Variants in MTMR9 observed in about 807,000 individuals in gnomAD.
The protein encoded by MTMR9 is myotubularin related protein 9.
A neutral mutation model predicts 69.5 loss-of-function variants in MTMR9; 39 were observed. The observed-to-expected ratio is 0.56, with a 90% CI of 0.43 to 0.73. The LOEUF is 0.73. MTMR9 is among the 30% of genes least tolerant of loss of function. The probability of loss-of-function intolerance (pLI) is 0.00; values close to 1 mark genes in which losing one functional copy is unlikely to be tolerated. For synonymous variants in MTMR9, 354 were observed against 240.8 expected (o/e 1.47, Z -4.35); for missense variants, 900 against 671.2 (o/e 1.34, Z -3.77).
At chr8:11,289,839 C>T (rs1239756062) in intron 1 of MTMR9, among the ~76,000 whole-genome samples, 4 of 152,194 alleles carry the variant, frequency 2.6e-5, no homozygotes, top group African/African-American at 9.6e-5. Context: ...CTTCTGACAG[C>T]ATAGGATTCC....
Position 11,327,034 on chromosome 8 carries a change from A to G in MTMR9, c.*4246A>G, listed in dbSNP as rs1056745406. ...TTTATTCTCAGATGATAAAATATATACTGATACTATAACTTTCTTATGGTA... is the reference window on the plus strand; with the variant it reads ...TTTATTCTCAGATGATAAAATATATGCTGATACTATAACTTTCTTATGGTA... On this transcript the variant is annotated 3_prime_UTR_variant, in exon 10 of 10. Transcript: ENST00000221086. 1.3e-5 allele frequency: 2 copies of G among 151,568 alleles called. No individual in the cohort carries two copies. Among genetic ancestry groups the G allele is most frequent in the African/African-American group, 2.4e-5 (1 of 41,280 alleles). 9.4% of individuals were successfully genotyped at this position (151,568 alleles called of 1,614,324 possible).
chr8:11,305,338 G>T (rs1490902983), intron 4 of MTMR9, among the ~76,000 whole-genome samples: 1 of 152,178 alleles, frequency 6.6e-6, no homozygotes, highest in Non-Finnish European at 1.5e-5. Context: ...AAATTTCTCT[G>T]TTCAGAATAA....
chr8:11,306,527 A>G, intron 5 of MTMR9, 120 bp downstream of exon 5: 1 of 828,910 alleles, frequency 1.2e-6, no homozygotes, highest in Non-Finnish European at 1.9e-6. Context: ...AGGGTCAATG[A>G]TGGGCTAGCC....
At chr8:11,288,252 TATA>T (rs201199044) in intron 1 of MTMR9, among the ~76,000 whole-genome samples, 3,152 of 137,842 alleles carry the variant, frequency 0.023, 116 homozygotes, top group African/African-American at 0.073. Flanking sequence ...ATAATTATAT[TATA>T]ATAATTATAT....
intron 2 of MTMR9, chr8:11,298,879 T>C (rs1035094743): frequency 1.9e-5 from 19 of 985,092 alleles, no homozygotes; most frequent in Non-Finnish European, 2.3e-5. Flanking sequence ...TCCAGGTAAA[T>C]ATAGGCCCAT....
intron 6 of MTMR9, 88 bp from the exon 7 acceptor site, chr8:11,314,832 ATGT>A (rs1585129671): frequency 7.1e-6 from 9 of 1,268,594 alleles, no homozygotes; most frequent in Non-Finnish European, 1.0e-5. Flanking sequence ...GTAGACTAAA[ATGT>A]TGTGCTCAAT....
intron 9 of MTMR9, among the ~76,000 whole-genome samples, chr8:11,322,104 A>G (rs1283676128): frequency 1.3e-5 from 2 of 152,218 alleles, no homozygotes; most frequent in African/African-American, 2.4e-5. Flanking sequence ...TTGCCTCTCA[A>G]GTAACAGGGA....
Position 11,304,920 on chromosome 8 carries a change from A to G in MTMR9, c.497A>G (p.Lys166Arg). ...TACCCACCAATTGTCACAGTGCCCAAATCCATCGATGATGAAGCTCTTCGG... is the reference window on the plus strand; with the variant it reads ...TACCCACCAATTGTCACAGTGCCCAGATCCATCGATGATGAAGCTCTTCGG... ...PSYPPIVTVP[K>R]SIDDEALRKV... Residue 166 changes from lysine to arginine, a missense_variant, in exon 4 of 10, where the codon AAA becomes AGA. Transcript: ENST00000221086. 6.2e-7 allele frequency: 1 copy of G among 1,614,108 alleles called. No homozygotes were observed. The highest frequency in any genetic ancestry group is 8.5e-7 in the Non-Finnish European group (1 of 1,179,960).
chr8:11,300,190 C>G lies in MTMR9; in HGVS notation c.417+42C>G, dbSNP rs745889780. 20 of 1,600,746 alleles carry G rather than the reference C, an allele frequency of 1.2e-5. No homozygotes were observed. The South Asian group carries it at 2.0e-4, about 16-fold the overall frequency. The stretch of plus-strand genomic sequence containing the variant: ...GAACTGTGGATTATGAGAAGTAACC[C>G]AATACCTTATTTGACTTGTGAAAAT... On this transcript the variant is annotated intron_variant, in intron 3 of 9. Transcript: ENST00000221086.
downstream of MTMR9, among the ~76,000 whole-genome samples, chr8:11,330,059 G>A (rs984554999): frequency 2.6e-5 from 4 of 152,112 alleles, no homozygotes; most frequent in Admixed American, 6.5e-5. Context: ...CGTCTGGGAA[G>A]TGAGGAGCGT....
intron 6 of MTMR9, among the ~76,000 whole-genome samples, chr8:11,314,700 T>G (rs1190381633): frequency 6.6e-6 from 1 of 152,232 alleles, no homozygotes; most frequent in Non-Finnish European, 1.5e-5. Flanking sequence ...TGAGATTCAT[T>G]ATAGTCGTAT....
intron 1 of MTMR9, among the ~76,000 whole-genome samples, chr8:11,292,962 A>G (rs1364285496): frequency 3.9e-5 from 6 of 152,242 alleles, no homozygotes; most frequent in Admixed American, 2.0e-4. Flanking sequence ...TTACTATAGT[A>G]TACTTGTTAT....
At chr8:11,305,404 G>A (rs1040406736) in intron 4 of MTMR9, among the ~76,000 whole-genome samples, 9 of 152,176 alleles carry the variant, frequency 5.9e-5, no homozygotes, top group African/African-American at 1.9e-4. Context: ...TGGAGCAGAC[G>A]TATTTATTTT....
At chr8:11,309,955 G>A (rs1274312355) in intron 6 of MTMR9, among the ~76,000 whole-genome samples, 2 of 150,520 alleles carry the variant, frequency 1.3e-5, no homozygotes, top group African/African-American at 4.9e-5. Flanking sequence ...TTTTTTTCTA[G>A]TACACCCTTA....
In MTMR9 at chr8:11,326,903, G is replaced by C. The variant is rs1800959010; in HGVS notation, c.*4115G>C. ...GAGAATGGTGTGAACCCGGGAGGCAGAGCTTGCAGTGAGCCGAGATCGCAC... is the reference window on the plus strand; with the variant it reads ...GAGAATGGTGTGAACCCGGGAGGCACAGCTTGCAGTGAGCCGAGATCGCAC... On this transcript the variant is annotated 3_prime_UTR_variant, in exon 10 of 10. Coordinates refer to ENST00000221086, the MANE Select transcript of MTMR9 (RefSeq NM_015458.4). 1 of 148,562 alleles carries C rather than the reference G, an allele frequency of 6.7e-6. No individual in the cohort carries two copies. The highest frequency in any genetic ancestry group is 1.5e-5 in the Non-Finnish European group (1 of 67,640). The allele number at this position is 148,562 out of a possible 1,614,324, so 9.2% of individuals were successfully genotyped here. A position where few individuals can be genotyped will look rare whatever the true frequency, so the allele number is the denominator to read the frequency against.
At chr8:11,303,987 G>A (rs1799842702) in intron 3 of MTMR9, among the ~76,000 whole-genome samples, 1 of 151,794 alleles carries the variant, frequency 6.6e-6, no homozygotes, top group South Asian at 2.1e-4. Flanking sequence ...TTATCTTCCT[G>A]CTATTGTAAC....
intron 6 of MTMR9, among the ~76,000 whole-genome samples, chr8:11,313,288 G>C (rs1001823817): frequency 6.6e-5 from 10 of 152,120 alleles, no homozygotes; most frequent in African/African-American, 2.4e-4. Flanking sequence ...CCTTCCTCTG[G>C]ATTAGGCTTT....
In MTMR9 at chr8:11,315,048, A is replaced by C. The variant is rs758951615; in HGVS notation, c.1097A>C (p.Glu366Ala). ...RTIRGFEALIEREWLQAGHPF... is the reference protein window; with the variant it reads ...RTIRGFEALIAREWLQAGHPF... ...ATTCGTGGTTTTGAGGCCCTGATTG[A>C]AAGAGAGTGGCTGCAGGTGAGAAGA... is the stretch of plus-strand genomic sequence containing the variant. Residue 366 changes from glutamate (E) to alanine (A), a missense_variant, in exon 7 of 10, where the codon GAA (glutamate) becomes GCA (alanine). Physicochemically the swap from Glu to Ala is moderately radical, Grantham distance 107. Transcript: ENST00000221086. 2.5e-6 allele frequency: 4 copies of C among 1,613,760 alleles called. No homozygotes were observed. The highest frequency in any genetic ancestry group is 3.4e-6 in the Non-Finnish European group (4 of 1,179,706).
intron 1 of MTMR9, among the ~76,000 whole-genome samples, chr8:11,287,772 ATATT>A (rs570720462): frequency 0.012 from 1,538 of 128,186 alleles, 29 homozygotes; most frequent in African/African-American, 0.042. Flanking sequence ...TATTTATTAT[ATATT>A]TATTATATAT....
Sources: gnomAD v4.1 joint callset for allele counts (sites outside exome capture counted in the v4.1 genomes callset) on GRCh38, gnomAD v4.1.1 for gene constraint, MANE v1.5 for transcripts, NCBI Gene and HGNC (gene_info 2026-07-23, HGNC 2026-07-21) for gene names.